MIX23: variants seen among roughly 807,000 people sequenced by gnomAD.
MIX23 encodes protein MIX23.
In MIX23, 13 loss-of-function variants were observed where a neutral mutation model predicts 21.6. The ratio of observed to expected loss-of-function variants is 0.60; its 90% CI spans 0.39 to 0.96. MIX23 has a LOEUF of 0.96. Ranked by LOEUF, MIX23 falls within the 40% of genes least tolerant of loss-of-function variation. The pLI is 0.00. For synonymous variants in MIX23, 59 were observed against 58.0 expected (o/e 1.02, Z -0.08); for missense variants, 144 against 171.2 (o/e 0.84, Z 0.89).
At chr3:122,369,946 C>T (rs908191073) in intron 2 of MIX23, among the ~76,000 whole-genome samples, 4 of 152,054 alleles carry the variant, frequency 2.6e-5, no homozygotes, top group Non-Finnish European at 5.9e-5. Context: ...GATGTGGTTT[C>T]GCCATGTCAC....
chr3:122,377,040 G>A (rs1428723941), intron 1 of MIX23, among the ~76,000 whole-genome samples: 3 of 152,134 alleles, frequency 2.0e-5, no homozygotes, highest in South Asian at 2.1e-4. Context: ...AATTAGCCGC[G>A]CATGGTGGCG....
chr3:122,374,197 G>A (rs191429563), intron 1 of MIX23, among the ~76,000 whole-genome samples: 1 of 151,738 alleles, frequency 6.6e-6, no homozygotes, highest in Non-Finnish European at 1.5e-5. Context: ...CTGAGGCCAA[G>A]GGTTAAGTTG....
chr3:122,381,415 T>A (rs1045872813), intron 1 of MIX23, among the ~76,000 whole-genome samples: 3 of 152,124 alleles, frequency 2.0e-5, no homozygotes, highest in Admixed American at 6.5e-5. Flanking sequence ...CCGATAGAAC[T>A]GATGTCCCTA....
At chr3:122,378,244 T>G (rs537628271) in intron 1 of MIX23, among the ~76,000 whole-genome samples, 1 of 152,346 alleles carries the variant, frequency 6.6e-6, no homozygotes, top group South Asian at 2.1e-4. Context: ...GGGTTTGTGT[T>G]GACTCTGAAC....
At chr3:122,376,039 G>A (rs759181914) in intron 1 of MIX23, among the ~76,000 whole-genome samples, 4 of 151,792 alleles carry the variant, frequency 2.6e-5, no homozygotes, top group Non-Finnish European at 5.9e-5. Flanking sequence ...GCGCGCACCT[G>A]TAATCCCAGC....
chr3:122,375,544 G>A (rs2075478938), intron 1 of MIX23, among the ~76,000 whole-genome samples: 4 of 152,210 alleles, frequency 2.6e-5, no homozygotes, highest in Admixed American at 2.6e-4. Flanking sequence ...TGGGATATGT[G>A]GTAGTAGCGA....
At chr3:122,369,470 T>C (rs973015294) in intron 2 of MIX23, among the ~76,000 whole-genome samples, 1 of 152,188 alleles carries the variant, frequency 6.6e-6, no homozygotes, top group African/African-American at 2.4e-5. Context: ...TTGACTGACA[T>C]AATACTTAAG....
rs1440065217 is a variant in MIX23, at chr3:122,359,837, A to T, written c.*32T>A. On this transcript the variant is annotated 3_prime_UTR_variant, in exon 5 of 5. Transcript: ENST00000291458. ...ATGAGATGACCCAGTCCTTAAAAAA[A>T]AAAAAAAAAAAAAAAAAAAAAGAAT... 62 of 584,166 alleles carry T rather than the reference A, an allele frequency of 1.1e-4. No individual in the cohort carries two copies. The highest frequency in any genetic ancestry group is 9.6e-4 in the African/African-American group (47 of 48,728). The allele number at this position is 584,166 out of a possible 1,614,324, so 36.2% of individuals were successfully genotyped here.
chr3:122,359,853 AAAAAAG>A lies in MIX23; in HGVS notation c.*10_*15del, dbSNP rs1378186399. 7 of 1,429,028 alleles carry A rather than the reference AAAAAAG, an allele frequency of 4.9e-6. No individual in the cohort carries two copies. Among genetic ancestry groups the A allele is most frequent in the Admixed American group, 2.8e-5 (1 of 35,738 alleles). 88.5% of individuals were successfully genotyped at this position (1,429,028 alleles called of 1,614,324 possible). A position where few individuals can be genotyped will look rare whatever the true frequency, so the allele number is the denominator to read the frequency against. On this transcript the variant is annotated 3_prime_UTR_variant, in exon 5 of 5. Transcript: ENST00000291458. ...CTTAAAAAAAAAAAAAAAAAAAAAA[AAAAAAG>A]AATCTCTCTTTATTCATTCTTTGGA...
At chr3:122,364,974 T>G (rs913512278) in intron 3 of MIX23, among the ~76,000 whole-genome samples, 2 of 152,184 alleles carry the variant, frequency 1.3e-5, no homozygotes, top group African/African-American at 2.4e-5. Flanking sequence ...TCCTCAGAGC[T>G]GTCTGCCTTT....
At chr3:122,379,486 C>T (rs139304623) in intron 1 of MIX23, among the ~76,000 whole-genome samples, 1 of 152,310 alleles carries the variant, frequency 6.6e-6, no homozygotes, top group Non-Finnish European at 1.5e-5. Flanking sequence ...TGCCCTCACA[C>T]ATTGTGAGCA....
intron 1 of MIX23, among the ~76,000 whole-genome samples, chr3:122,375,204 T>G (rs1396728298): frequency 2.0e-5 from 3 of 152,146 alleles, no homozygotes; most frequent in Non-Finnish European, 2.9e-5. Flanking sequence ...AGGATATATT[T>G]TGAAGATAGA....
chr3:122,367,226 CA>C lies in MIX23; in HGVS notation c.324+949del, dbSNP rs1397096593. Among the ~76,000 whole-genome samples the C allele has an allele frequency of 7.9e-5, 12 of 151,872 alleles. No homozygotes were observed. In the East Asian group the frequency reaches 2.3e-3, roughly 29 times the overall value. On this transcript the variant is annotated intron_variant, in intron 3 of 4. Coordinates refer to ENST00000291458, the MANE Select transcript of MIX23 (RefSeq NM_001017928.4). ...TAAAGCAGGTGGGGCAACATATAAA[CA>C]ATAAGTGAATATAGGTAAAGGGCAC...
chr3:122,360,140 T>C (rs2075347246), intron 4 of MIX23, among the ~76,000 whole-genome samples: 1 of 151,956 alleles, frequency 6.6e-6, no homozygotes, highest in South Asian at 2.1e-4. Flanking sequence ...TCTAGTATTT[T>C]AATAAAATTT....
At chr3:122,361,761 C>A (rs148732722) in intron 4 of MIX23, among the ~76,000 whole-genome samples, 136 of 152,128 alleles carry the variant, frequency 8.9e-4, no homozygotes, top group Middle Eastern at 3.4e-3. Flanking sequence ...GTGACAGACA[C>A]CTTATCATGT....
At chr3:122,381,521 A>G (rs1371712634) in intron 1 of MIX23, among the ~76,000 whole-genome samples, 1 of 152,066 alleles carries the variant, frequency 6.6e-6, no homozygotes, top group Non-Finnish European at 1.5e-5. Flanking sequence ...TGAGGTCTGG[A>G]GTTTGGAACC....
rs1211292966 is a variant in MIX23, at chr3:122,362,995, T to C, written c.357A>G (p.Glu119=). ...TCCAGCTCCTGTCATTTACCACTTC[T>C]TCAACATTCAGTTCTGACTGCATCC... ...LKWMQSELNV[E]EVVNDRSWKV... Residue 119 remains glutamate (E), a synonymous_variant, in exon 4 of 5, where the codon GAA becomes GAG. Transcript: ENST00000291458. 1 of 1,613,440 alleles carries C rather than the reference T, an allele frequency of 6.2e-7. No individual in the cohort carries two copies. The highest frequency in any genetic ancestry group is 1.1e-5 in the South Asian group (1 of 91,046).
At chr3:122,364,194 C>G (rs974156187) in intron 3 of MIX23, among the ~76,000 whole-genome samples, 1 of 152,220 alleles carries the variant, frequency 6.6e-6, no homozygotes, top group South Asian at 2.1e-4. Context: ...TGGCTCCTTG[C>G]AAACTCCCTT....
intron 4 of MIX23, 77 bp downstream of exon 4, chr3:122,362,891 A>G (rs1028106929): frequency 1.1e-5 from 13 of 1,157,244 alleles, no homozygotes; most frequent in African/African-American, 3.2e-5. Flanking sequence ...GGCACTCTTT[A>G]CTCCCCCTCC....
Sources: gnomAD v4.1 joint callset for allele counts (sites outside exome capture counted in the v4.1 genomes callset) on GRCh38, gnomAD v4.1.1 for gene constraint, MANE v1.5 for transcripts, NCBI Gene and HGNC (gene_info 2026-07-23, HGNC 2026-07-21) for gene names.